Variants in LHFPL6 observed in about 807,000 individuals in gnomAD.
LHFPL6 encodes LHFPL tetraspan subfamily member 6 protein.
In LHFPL6, 9 loss-of-function variants were observed where a neutral mutation model predicts 20.6. That is an observed-to-expected ratio of 0.44 (90% CI 0.26 to 0.76). LHFPL6 has a LOEUF of 0.76. Among genes scored for constraint, LHFPL6 ranks in the 30% least tolerant of loss-of-function variants. The pLI, the probability that LHFPL6 is intolerant of heterozygous loss-of-function variation, is 0.20. For synonymous variants in LHFPL6, 105 were observed against 98.7 expected (o/e 1.06, Z -0.38); for missense variants, 218 against 253.5 (o/e 0.86, Z 0.95).
chr13:39,575,816 C>G (rs1872096688), intron 2 of LHFPL6, among the ~76,000 whole-genome samples: 1 of 152,130 alleles, frequency 6.6e-6, no homozygotes, highest in South Asian at 2.1e-4. Flanking sequence ...ACAGGACAGC[C>G]CTGGTGCAGA....
intron 2 of LHFPL6, among the ~76,000 whole-genome samples, chr13:39,464,764 G>GGTC (rs1872763585): frequency 1.4e-5 from 2 of 143,162 alleles, no homozygotes; most frequent in African/African-American, 5.2e-5. Flanking sequence ...GGTTACTATA[G>GGTC]AAATAAAGTA....
At chr13:39,593,277 C>G (rs1872667017) in intron 2 of LHFPL6, among the ~76,000 whole-genome samples, 1 of 152,196 alleles carries the variant, frequency 6.6e-6, no homozygotes, top group Non-Finnish European at 1.5e-5. Flanking sequence ...AGCAAAGTGT[C>G]AGGATACAAA....
chr13:39,439,460 G>C (rs993838335), intron 2 of LHFPL6, among the ~76,000 whole-genome samples: 21 of 152,162 alleles, frequency 1.4e-4, no homozygotes, highest in Non-Finnish European at 2.9e-5. Flanking sequence ...ATGCTGGAAT[G>C]AGTTGAGACT....
At chr13:39,481,896 A>G (rs1228227832) in intron 2 of LHFPL6, among the ~76,000 whole-genome samples, 1 of 152,162 alleles carries the variant, frequency 6.6e-6, no homozygotes, top group Non-Finnish European at 1.5e-5. Context: ...TTGAAAGTTG[A>G]GAGCTGGAGC....
At chr13:39,521,580 G>A (rs557770929) in intron 2 of LHFPL6, among the ~76,000 whole-genome samples, 10 of 151,950 alleles carry the variant, frequency 6.6e-5, no homozygotes, top group Non-Finnish European at 1.2e-4. Context: ...GATATCCAAC[G>A]GGTTGGGTTT....
chr13:39,440,901 T>C (rs1437995512), intron 2 of LHFPL6, among the ~76,000 whole-genome samples: 3 of 152,124 alleles, frequency 2.0e-5, no homozygotes, highest in African/African-American at 7.2e-5. Flanking sequence ...GTTTTAAAAA[T>C]GGGAATTTCT....
chr13:39,420,075 T>C (rs1001930937), intron 2 of LHFPL6, among the ~76,000 whole-genome samples: 3 of 152,142 alleles, frequency 2.0e-5, no homozygotes, highest in Admixed American at 1.3e-4. Context: ...GCCCCTGGCC[T>C]TTACGCTAAC....
chr13:39,579,062 C>T (rs3889632), intron 2 of LHFPL6, among the ~76,000 whole-genome samples: 3,836 of 152,154 alleles, frequency 0.025, 105 homozygotes, highest in African/African-American at 0.062. Context: ...TAAACAAGAC[C>T]GGGGTGAATG....
chr13:39,587,246 C>T (rs1197052330), intron 2 of LHFPL6, among the ~76,000 whole-genome samples: 1 of 152,166 alleles, frequency 6.6e-6, no homozygotes, highest in Non-Finnish European at 1.5e-5. Context: ...GTCCCTATCA[C>T]ATCACTCTCA....
At chr13:39,400,797 A>AAG (rs1470725733) in intron 2 of LHFPL6, among the ~76,000 whole-genome samples, 3 of 150,028 alleles carry the variant, frequency 2.0e-5, no homozygotes, top group Non-Finnish European at 1.5e-5. Context: ...AAAAAAAAAA[A>AAG]AAAAAAAAAA....
At chr13:39,510,195 G>C (rs1428700089) in intron 2 of LHFPL6, among the ~76,000 whole-genome samples, 1 of 152,024 alleles carries the variant, frequency 6.6e-6, no homozygotes, top group Non-Finnish European at 1.5e-5. Context: ...CTTCACGTGA[G>C]AGTAAAAACT....
At chr13:39,478,565 C>T (rs548905051) in intron 2 of LHFPL6, among the ~76,000 whole-genome samples, 42 of 152,238 alleles carry the variant, frequency 2.8e-4, no homozygotes, top group African/African-American at 1.0e-3. Flanking sequence ...AACATTATTT[C>T]TGGGTGTATC....
rs747458048 is a variant in LHFPL6 at position 39,382,409 on chromosome 13, TG to T, written c.386-3884del. On this transcript the variant is annotated intron_variant, in intron 2 of 3. Transcript: ENST00000379589. The stretch of plus-strand genomic sequence containing the variant: ...TTGTTTTTTGTTTGTTTGGTTGTTT[TG>T]TTTTGTTTTTTTGAGATGGAGTCTT... Among the ~76,000 whole-genome samples the T allele has an allele frequency of 7.9e-5, 12 of 152,156 alleles. No homozygotes were observed. In the East Asian group the frequency reaches 9.6e-4, roughly 12 times the overall value.
chr13:39,586,176 T>C (rs1483193712), intron 2 of LHFPL6, among the ~76,000 whole-genome samples: 1 of 151,452 alleles, frequency 6.6e-6, no homozygotes, highest in Non-Finnish European at 1.5e-5. Context: ...TGTGTGTATA[T>C]ATATATATAT....
chr13:39,419,072 G>C (rs1044943714), intron 2 of LHFPL6, among the ~76,000 whole-genome samples: 3 of 152,070 alleles, frequency 2.0e-5, no homozygotes, highest in African/African-American at 7.2e-5. Context: ...TTCCCAATTA[G>C]TAAGTAGGTG....
intron 2 of LHFPL6, among the ~76,000 whole-genome samples, chr13:39,581,605 T>C (rs889471284): frequency 5.3e-5 from 8 of 151,844 alleles, no homozygotes; most frequent in African/African-American, 1.9e-4. Context: ...CTCTTTTTTT[T>C]TTTTCTAACT....
chr13:39,387,185 C>G (rs1870586171), intron 2 of LHFPL6, among the ~76,000 whole-genome samples: 1 of 152,116 alleles, frequency 6.6e-6, no homozygotes, highest in South Asian at 2.1e-4. Context: ...TTATTTAGTA[C>G]TTTAAAATCC....
At chr13:39,543,686 T>G (rs1398816659) in intron 2 of LHFPL6, among the ~76,000 whole-genome samples, 2 of 152,104 alleles carry the variant, frequency 1.3e-5, no homozygotes, top group African/African-American at 2.4e-5. Flanking sequence ...GTACAAATAG[T>G]GCTGGATTGG....
At chr13:39,506,501 A>G (rs1434368361) in intron 2 of LHFPL6, among the ~76,000 whole-genome samples, 1 of 152,240 alleles carries the variant, frequency 6.6e-6, no homozygotes, top group African/African-American at 2.4e-5. Flanking sequence ...CCAGGCTAGG[A>G]TGATGATCCA....
Sources: allele counts gnomAD v4.1 joint callset (sites outside exome capture counted in the v4.1 genomes callset), GRCh38; gene constraint gnomAD v4.1.1; transcripts MANE v1.5; gene names NCBI Gene and HGNC (gene_info 2026-07-23, HGNC 2026-07-21).